Variants in ATP2B2 observed in about 807,000 individuals in gnomAD.
The protein encoded by ATP2B2 is ATPase plasma membrane Ca2+ transporting 2, also known as plasma membrane calcium-transporting ATPase 2.
Under a neutral mutation model 120.0 loss-of-function variants are expected in ATP2B2, and 15 were observed. The observed-to-expected ratio is 0.12, with a 90% CI of 0.08 to 0.19. ATP2B2 has a LOEUF of 0.19. Ranked by LOEUF, ATP2B2 falls within the 10% of genes least tolerant of loss-of-function variation. ATP2B2 has a pLI of 1.00. For synonymous variants in ATP2B2, 694 were observed against 700.3 expected, an observed-to-expected ratio of 0.99 and a Z score of 0.14; for missense variants, 1,045 against 1,719.8, an observed-to-expected ratio of 0.61 and a Z score of 6.94.
intron 13 of ATP2B2, 95 bp downstream of exon 13, chr3:10,359,787 G>T: frequency 1.1e-5 from 18 of 1,567,770 alleles, no homozygotes; most frequent in Non-Finnish European, 1.5e-5. Flanking sequence ...TGCTGAGCCT[G>T]GCCTGGATGG....
chr3:10,693,119 A>G (rs1272635879), intron 1 of ATP2B2, among the ~76,000 whole-genome samples: 1 of 152,222 alleles, frequency 6.6e-6, no homozygotes, highest in Non-Finnish European at 1.5e-5. Flanking sequence ...GCAAAACACA[A>G]AAGTGTGAAG....
intron 1 of ATP2B2, among the ~76,000 whole-genome samples, chr3:10,657,256 T>A (rs13075090): frequency 1.3e-5 from 2 of 152,060 alleles, no homozygotes; most frequent in Non-Finnish European, 2.9e-5. Context: ...TTTACACCCC[T>A]GTGCCTTTGC....
intron 1 of ATP2B2, among the ~76,000 whole-genome samples, chr3:10,631,797 A>C (rs1021197945): frequency 1.3e-5 from 2 of 152,248 alleles, no homozygotes; most frequent in African/African-American, 4.8e-5. Flanking sequence ...CAGCATCAGG[A>C]TTAAAATCAG....
At chr3:10,563,549 G>A (rs992594966) in intron 2 of ATP2B2, among the ~76,000 whole-genome samples, 1 of 152,254 alleles carries the variant, frequency 6.6e-6, no homozygotes, top group South Asian at 2.1e-4. Context: ...TGCACCTGGA[G>A]GGTGGGGAAG....
At chr3:10,621,016 C>G (rs552464731) in intron 1 of ATP2B2, among the ~76,000 whole-genome samples, 1 of 152,190 alleles carries the variant, frequency 6.6e-6, no homozygotes, top group Non-Finnish European at 1.5e-5. Context: ...TCCATTCTAC[C>G]TCACTGACCA....
chr3:10,396,854 G>T (rs568352975), intron 5 of ATP2B2, among the ~76,000 whole-genome samples: 1 of 152,208 alleles, frequency 6.6e-6, no homozygotes, highest in East Asian at 1.9e-4. Flanking sequence ...ATCAGAAAGG[G>T]GGGGAAGCTT....
upstream of ATP2B2, among the ~76,000 whole-genome samples, chr3:10,510,415 A>C (rs535121797): frequency 6.6e-6 from 1 of 152,262 alleles, no homozygotes; most frequent in East Asian, 1.9e-4. Context: ...TGGAGCTTGA[A>C]ATAGGAACTG....
chr3:10,338,251 C>G lies in ATP2B2; in HGVS notation c.3345G>C (p.Glu1115Asp). 6.2e-7 allele frequency: 1 copy of G among 1,614,134 alleles called. No homozygotes were observed. The highest frequency in any genetic ancestry group is 8.5e-7 in the Non-Finnish European group (1 of 1,179,962). The change falls in exon 22 of 23, where the codon GAG (glutamate) becomes GAC (aspartate). Residue 1115 changes from glutamate (E) to aspartate (D), a missense_variant. Transcript: ENST00000360273. The part of the protein sequence containing the change: ...PEEELNEDVE[E>D]IDHAERELRR... ...GCAGCTCCCGCTCCGCGTGGTCGAT[C>G]TCCTCCACGTCCTCGTTGAGCTCCT...
chr3:10,596,488 G>A (rs1242379570), intron 2 of ATP2B2, among the ~76,000 whole-genome samples: 1 of 152,210 alleles, frequency 6.6e-6, no homozygotes, highest in Admixed American at 6.5e-5. Flanking sequence ...CTTCAAGGGA[G>A]ATGCCAAGGC....
Position 10,611,714 on chromosome 3 carries a change from C to A in ATP2B2, c.-415+8203G>T, listed in dbSNP as rs184164772. Among the ~76,000 whole-genome samples the A allele has an allele frequency of 5.3e-4, 80 of 152,154 alleles. 1 individual carries two copies. The highest frequency in any genetic ancestry group is 1.1e-3 in the Non-Finnish European group (73 of 68,014). Reference sequence around the variant, plus strand: ...ATTTCTGCCCGTCTCCTCGCCCTACCGAACTTTGCCTATAGACATCCTTTC... The same window carrying A: ...ATTTCTGCCCGTCTCCTCGCCCTACAGAACTTTGCCTATAGACATCCTTTC... On this transcript the variant is annotated intron_variant, in intron 2 of 21. Transcript: ENST00000646379.
At chr3:10,334,310 C>T (rs978068637) in intron 22 of ATP2B2, among the ~76,000 whole-genome samples, 4 of 152,188 alleles carry the variant, frequency 2.6e-5, no homozygotes, top group Admixed American at 6.5e-5. Context: ...CAGGAGTCAT[C>T]GGGAGGGGTG....
At chr3:10,478,196 TC>T in intron 1 of ATP2B2, among the ~76,000 whole-genome samples, 1 of 152,344 alleles carries the variant, frequency 6.6e-6, no homozygotes, top group African/African-American at 2.4e-5. Context: ...TCAAGTCAAG[TC>T]CTTTGCCCAT....
intron 2 of ATP2B2, among the ~76,000 whole-genome samples, chr3:10,604,370 T>C (rs937012565): frequency 2.0e-5 from 3 of 152,174 alleles, no homozygotes; most frequent in Non-Finnish European, 4.4e-5. Flanking sequence ...ATTGTTTCAC[T>C]TCTCTGCCCC....
chr3:10,483,853 C>T (rs1349018216), intron 1 of ATP2B2, among the ~76,000 whole-genome samples: 1 of 152,226 alleles, frequency 6.6e-6, no homozygotes, highest in African/African-American at 2.4e-5. Context: ...CACGGAAGGA[C>T]TTGGGGGCCG....
chr3:10,679,717 A>G (rs1467346623), intron 1 of ATP2B2, among the ~76,000 whole-genome samples: 1 of 152,240 alleles, frequency 6.6e-6, no homozygotes, highest in Non-Finnish European at 1.5e-5. Flanking sequence ...GCAGCACAAG[A>G]TGAAGCAGAT....
intron 1 of ATP2B2, among the ~76,000 whole-genome samples, chr3:10,464,611 C>T (rs1006918605): frequency 6.6e-6 from 1 of 152,202 alleles, no homozygotes; most frequent in Admixed American, 6.5e-5. Flanking sequence ...AGTGCAGTCT[C>T]CTCCTGGGAA....
chr3:10,325,717 T>C lies in ATP2B2; in HGVS notation c.*3097A>G, dbSNP rs1161651155. The C allele has an allele frequency of 1.3e-5, 2 of 152,204 alleles. No homozygotes were observed. Among genetic ancestry groups the C allele is most frequent in the Non-Finnish European group, 2.9e-5 (2 of 68,038 alleles). 9.4% of individuals were successfully genotyped at this position (152,204 alleles called of 1,614,324 possible). A position where few individuals can be genotyped will look rare whatever the true frequency, so the allele number is the denominator to read the frequency against. On this transcript the variant is annotated 3_prime_UTR_variant, in exon 23 of 23. Coordinates refer to ENST00000360273, the MANE Select transcript of ATP2B2 (RefSeq NM_001001331.4). Reference sequence around the variant, plus strand: ...TCCGCCTGAGTTGCAAGAAGGAAACTCCTCAGAGCTCTCTCTGCTCACCTC... The same window carrying C: ...TCCGCCTGAGTTGCAAGAAGGAAACCCCTCAGAGCTCTCTCTGCTCACCTC...
At chr3:10,475,333 C>T (rs1294524831) in intron 1 of ATP2B2, among the ~76,000 whole-genome samples, 2 of 152,148 alleles carry the variant, frequency 1.3e-5, no homozygotes, top group African/African-American at 4.8e-5. Flanking sequence ...TGTCAGAGCT[C>T]CCCCACCCTC....
At chr3:10,350,220 GGGCGGGTC>G in intron 15 of ATP2B2, 21 bp from the exon 16 acceptor site, 2 of 1,599,686 alleles carry the variant, frequency 1.3e-6, no homozygotes, top group Non-Finnish European at 1.7e-6. Context: ...ATGGGGAAGG[GGGCGGGTC>G]GGTGGGGTCG....
Sources: gnomAD v4.1 joint callset for allele counts (sites outside exome capture counted in the v4.1 genomes callset) on GRCh38, gnomAD v4.1.1 for gene constraint, MANE v1.5 for transcripts, NCBI Gene and HGNC (gene_info 2026-07-23, HGNC 2026-07-21) for gene names.